Variants in KCND2 observed in about 807,000 individuals in gnomAD.
The protein encoded by KCND2 is potassium voltage-gated channel subfamily D member 2, also known as A-type voltage-gated potassium channel KCND2.
Under a neutral mutation model 54.4 loss-of-function variants are expected in KCND2, and 16 were observed. The ratio of observed to expected loss-of-function variants is 0.29; its 90% CI spans 0.20 to 0.45. The LOEUF (loss-of-function observed/expected upper bound fraction) is 0.45. KCND2 is among the 20% of genes least tolerant of loss of function. The pLI, the probability that KCND2 is intolerant of heterozygous loss-of-function variation, is 1.00. For missense variants in KCND2, 486 were observed against 824.2 expected (o/e 0.59, Z 5.02); for synonymous variants, 317 against 310.7 (o/e 1.02, Z -0.21).
At chr7:120,590,045 C>T (rs955045581) in intron 1 of KCND2, among the ~76,000 whole-genome samples, 2 of 152,220 alleles carry the variant, frequency 1.3e-5, no homozygotes, top group Admixed American at 6.5e-5. Context: ...GACGGAGTCT[C>T]GCCCTGTCAC....
chr7:120,371,256 A>C (rs1800760293), intron 1 of KCND2, among the ~76,000 whole-genome samples: 1 of 151,980 alleles, frequency 6.6e-6, no homozygotes, highest in African/African-American at 2.4e-5. Context: ...CCCCACAGAG[A>C]GGGAAATGAA....
At chr7:120,490,015 A>T (rs537285465) in intron 1 of KCND2, among the ~76,000 whole-genome samples, 1 of 152,272 alleles carries the variant, frequency 6.6e-6, no homozygotes, top group African/African-American at 2.4e-5. Context: ...AAGTGTCCTC[A>T]TTAAATGAAG....
chr7:120,598,057 A>T (rs1410849257), intron 1 of KCND2, among the ~76,000 whole-genome samples: 2 of 151,982 alleles, frequency 1.3e-5, no homozygotes, highest in East Asian at 3.9e-4. Flanking sequence ...CTTCAGAGAG[A>T]CACCATTAAC....
intron 1 of KCND2, among the ~76,000 whole-genome samples, chr7:120,570,377 A>G (rs1289221543): frequency 1.3e-5 from 2 of 151,990 alleles, no homozygotes; most frequent in Non-Finnish European, 2.9e-5. Context: ...ATATCCACGT[A>G]ATACAACTGC....
chr7:120,336,262 C>G (rs1800149925), intron 1 of KCND2, among the ~76,000 whole-genome samples: 1 of 152,140 alleles, frequency 6.6e-6, no homozygotes, highest in Non-Finnish European at 1.5e-5. Flanking sequence ...AATAATTACC[C>G]CGCTTTCGCA....
intron 1 of KCND2, among the ~76,000 whole-genome samples, chr7:120,646,735 G>A (rs1019045670): frequency 6.6e-6 from 1 of 152,228 alleles, no homozygotes; most frequent in Non-Finnish European, 1.5e-5. Context: ...GGAAAATAAT[G>A]AAATAGTTTT....
At position 120,745,855 on chromosome 7, in the gene KCND2, C is replaced by T; in HGVS notation, c.1543C>T (p.His515Tyr). 1 of 1,613,824 alleles carries T rather than the reference C, an allele frequency of 6.2e-7. No individual in the cohort carries two copies. Among genetic ancestry groups the T allele is most frequent in the South Asian group, 1.1e-5 (1 of 91,068 alleles). Residue 515 changes from histidine to tyrosine, a missense_variant, in exon 5 of 6, where the codon CAC (histidine) becomes TAC (tyrosine). By Grantham distance (83) the His-to-Tyr change is moderately conservative (BLOSUM62 2). Around this residue, in one of 7 missense-constraint regions of KCND2, gnomAD observed 202 missense variants for 252.7 expected, o/e 0.80. Coordinates refer to ENST00000331113, the MANE Select transcript of KCND2 (RefSeq NM_012281.3). ...EVATVNRPSSHSPSLSSQQGV... is the reference protein window; with the variant it reads ...EVATVNRPSSYSPSLSSQQGV... The stretch of plus-strand genomic sequence containing the variant: ...TGCAACTGTTAATCGTCCTTCAAGT[C>T]ACAGTCCTTCACTGTCTTCACAACA...
chr7:120,634,484 A>T (rs1230069102), intron 1 of KCND2, among the ~76,000 whole-genome samples: 1 of 151,830 alleles, frequency 6.6e-6, no homozygotes, highest in African/African-American at 2.4e-5. Flanking sequence ...ACCGCCATAC[A>T]CTCGATACTC....
Position 120,500,049 on chromosome 7 carries a change from C to A in KCND2, c.1115+224302C>A, listed in dbSNP as rs546128518. ...AATCAATACTATCTTTAATTTGCAT[C>A]TTCATGAAATTATATATGTGGGCTT... On this transcript the variant is annotated intron_variant, in intron 1 of 5. Transcript: ENST00000331113. Among the ~76,000 whole-genome samples the A allele has an allele frequency of 3.6e-4, 55 of 152,238 alleles. 2 individuals carry two copies. The South Asian group carries it at 4.4e-3, about 12-fold the overall frequency.
intron 1 of KCND2, among the ~76,000 whole-genome samples, chr7:120,452,222 G>T (rs956498138): frequency 5.3e-5 from 8 of 152,126 alleles, no homozygotes; most frequent in Non-Finnish European, 1.2e-4. Context: ...TCATGTTCTG[G>T]TTCTTCCTTT....
intron 1 of KCND2, among the ~76,000 whole-genome samples, chr7:120,563,742 C>T (rs1223354133): frequency 6.6e-6 from 1 of 152,094 alleles, no homozygotes; most frequent in Non-Finnish European, 1.5e-5. Flanking sequence ...CAGAAACTGG[C>T]CCCTCTCCAT....
At chr7:120,614,952 A>G (rs1793002936) in intron 1 of KCND2, among the ~76,000 whole-genome samples, 1 of 152,192 alleles carries the variant, frequency 6.6e-6, no homozygotes, top group South Asian at 2.1e-4. Flanking sequence ...TTCAAACAAC[A>G]TACACTAACA....
chr7:120,569,001 C>G (rs1792331609), intron 1 of KCND2, among the ~76,000 whole-genome samples: 1 of 151,788 alleles, frequency 6.6e-6, no homozygotes. Flanking sequence ...TTACTAGCAC[C>G]CCCAGCACTT....
At chr7:120,655,015 G>T (rs1791783816) in intron 1 of KCND2, among the ~76,000 whole-genome samples, 2 of 151,744 alleles carry the variant, frequency 1.3e-5, no homozygotes, top group South Asian at 4.2e-4. Flanking sequence ...TGCATTAAAT[G>T]AATCTAGAAA....
intron 1 of KCND2, among the ~76,000 whole-genome samples, chr7:120,386,487 A>G (rs531486849): frequency 1.8e-4 from 28 of 152,250 alleles, no homozygotes; most frequent in African/African-American, 6.5e-4. Context: ...ACAGGCCCCA[A>G]AAAGGACCCA....
At chr7:120,462,406 A>C (rs757466084) in intron 1 of KCND2, among the ~76,000 whole-genome samples, 1 of 152,030 alleles carries the variant, frequency 6.6e-6, no homozygotes, top group Non-Finnish European at 1.5e-5. Context: ...TACAAATTCT[A>C]GATTCTGAGT....
Position 120,275,190 on chromosome 7 carries a change from G to T in KCND2, c.558G>T (p.Val186=), listed in dbSNP as rs1321097526. The change falls in exon 1 of 6, where the codon GTG becomes GTT. Residue 186 remains valine, a synonymous_variant. Transcript: ENST00000331113. Reference sequence around the variant, plus strand: ...CCCACACCAGCACGATGGCCCTGGTGTTCTACTATGTCACGGGGTTTTTCA... The same window carrying T: ...CCCACACCAGCACGATGGCCCTGGTTTTCTACTATGTCACGGGGTTTTTCA... ...ENPHTSTMAL[V]FYYVTGFFIA... The T allele has an allele frequency of 6.2e-7, 1 of 1,614,040 alleles. No individual in the cohort carries two copies. Among genetic ancestry groups the T allele is most frequent in the Non-Finnish European group, 8.5e-7 (1 of 1,180,014 alleles).
chr7:120,641,048 AT>A (rs762805864), intron 1 of KCND2, among the ~76,000 whole-genome samples: 2 of 152,232 alleles, frequency 1.3e-5, no homozygotes, highest in Non-Finnish European at 2.9e-5. Flanking sequence ...CAGGAGGACT[AT>A]AGAATGAAGA....
intron 1 of KCND2, among the ~76,000 whole-genome samples, chr7:120,698,022 C>CT (rs35589294): frequency 0.17 from 14,525 of 85,568 alleles, 491 homozygotes; most frequent in Non-Finnish European, 0.21. Context: ...TAGATTTGCC[C>CT]TTTTTTTTTT....
Sources: allele counts gnomAD v4.1 joint callset (sites outside exome capture counted in the v4.1 genomes callset), GRCh38; gene constraint gnomAD v4.1.1; regional missense constraint gnomAD v4.1.1; transcripts MANE v1.5; gene names NCBI Gene and HGNC (gene_info 2026-07-23, HGNC 2026-07-21).